Variants in RHBG observed in about 807,000 individuals in gnomAD.
The protein encoded by RHBG is ammonium transporter Rh type B.
A neutral mutation model predicts 40.1 loss-of-function variants in RHBG; 39 were observed. The observed-to-expected ratio is 0.97, with a 90% CI of 0.75 to 1.27. The LOEUF (loss-of-function observed/expected upper bound fraction) is 1.27, where lower values mean the gene tolerates loss of function less well. Among genes scored for constraint, RHBG ranks in the 50% most tolerant of loss-of-function variants. RHBG has a pLI of 0.00. For missense variants in RHBG, 549 were observed against 588.1 expected (o/e 0.93, Z 0.69); for synonymous variants, 237 against 252.5 (o/e 0.94, Z 0.58).
intron 1 of RHBG, among the ~76,000 whole-genome samples, chr1:156,375,609 G>C (rs903481906): frequency 6.6e-6 from 1 of 152,114 alleles, no homozygotes; most frequent in African/African-American, 2.4e-5. Context: ...AGGAGTTTGA[G>C]AGCAGCCTGG....
At chr1:156,378,466 G>A in intron 4 of RHBG, 67 bp downstream of exon 4, 1 of 1,514,406 alleles carries the variant, frequency 6.6e-7, no homozygotes. Flanking sequence ...GGCCAGAGGT[G>A]ACTGTCTCTC....
Position 156,369,453 on chromosome 1 carries a change from G to A in RHBG, c.187+17G>A. On this transcript the variant is annotated intron_variant, in intron 1 of 9. Coordinates refer to ENST00000537040, the MANE Select transcript of RHBG (RefSeq NM_020407.5). ...GCTACCCAAGTGAGTGCGGGGTGAG[G>A]GCGCGCGGGAAGCAAAGACCCCAAG... 4 of 1,590,096 alleles carry A rather than the reference G, an allele frequency of 2.5e-6. No homozygotes were observed. Among genetic ancestry groups the A allele is most frequent in the Non-Finnish European group, 2.6e-6 (3 of 1,166,070 alleles).
At chr1:156,378,204 G>C in intron 3 of RHBG, 48 bp from the exon 4 acceptor site, 2 of 1,604,260 alleles carry the variant, frequency 1.2e-6, no homozygotes. Flanking sequence ...TCTGAGCCAG[G>C]AGCGTGGGGG....
chr1:156,375,800 C>A (rs932367270), intron 1 of RHBG, among the ~76,000 whole-genome samples: 5 of 150,814 alleles, frequency 3.3e-5, no homozygotes, highest in Non-Finnish European at 7.4e-5. Context: ...AGTGCAATGG[C>A]GCTATCTCGG....
intron 4 of RHBG, among the ~76,000 whole-genome samples, chr1:156,379,597 A>C (rs548327321): frequency 5.3e-5 from 8 of 152,214 alleles, no homozygotes; most frequent in African/African-American, 1.9e-4. Flanking sequence ...GGAGACTTAC[A>C]TTCTCAGCTG....
chr1:156,377,334 G>C lies in RHBG; in HGVS notation c.221G>C (p.Gly74Ala), dbSNP rs748844133. ...FQDVHAMVFV[G>A]FGFLMVFLQR... ...GACGTGCATGCCATGGTCTTCGTGG[G>C]CTTTGGCTTCCTCATGGTCTTCCTG... is the stretch of plus-strand genomic sequence containing the variant. The change falls in exon 2 of 10, where the codon GGC becomes GCC. Residue 74 changes from glycine (G) to alanine (A), a missense_variant. Around this residue, in one of 3 missense-constraint regions of RHBG, gnomAD observed 51 missense variants for 85.9 expected, o/e 0.59. Coordinates refer to ENST00000537040, the MANE Select transcript of RHBG (RefSeq NM_020407.5). The surrounding 1 kb of genome is among the most constrained non-coding windows in gnomAD (Gnocchi z 4.6). 1 of 1,614,044 alleles carries C rather than the reference G, an allele frequency of 6.2e-7. No individual in the cohort carries two copies. The highest frequency in any genetic ancestry group is 2.2e-5 in the East Asian group (1 of 44,900).
Position 156,378,154 on chromosome 1 carries a change from G to A in RHBG, c.525+14G>A. Reference sequence around the variant, plus strand: ...CATCTCCTGGGGGTGAGAGTCTGGGGAGGGATGGAGTCGGGGGTGGGGGGT... The same window carrying A: ...CATCTCCTGGGGGTGAGAGTCTGGGAAGGGATGGAGTCGGGGGTGGGGGGT... On this transcript the variant is annotated intron_variant, in intron 3 of 9. Transcript: ENST00000537040. The A allele has an allele frequency of 6.2e-7, 1 of 1,600,704 alleles. No individual in the cohort carries two copies. Among genetic ancestry groups the A allele is most frequent in the Non-Finnish European group, 8.5e-7 (1 of 1,170,978 alleles).
At chr1:156,379,760 C>T (rs1667487630) in intron 4 of RHBG, among the ~76,000 whole-genome samples, 1 of 152,210 alleles carries the variant, frequency 6.6e-6, no homozygotes, top group Non-Finnish European at 1.5e-5. Context: ...CCACACCCAA[C>T]AGACTACTCA....
intron 5 of RHBG, 44 bp downstream of exon 5, chr1:156,381,557 G>A: frequency 6.4e-7 from 1 of 1,565,584 alleles, no homozygotes; most frequent in African/African-American, 1.4e-5. Flanking sequence ...GGTGGCCTGG[G>A]CAGGGGAGGA....
chr1:156,381,583 C>T (rs1667641379), intron 5 of RHBG, 70 bp downstream of exon 5: 3 of 1,509,370 alleles, frequency 2.0e-6, no homozygotes, highest in East Asian at 4.5e-5. Flanking sequence ...CTGAGACCCT[C>T]AAGAAAGATT....
intron 1 of RHBG, among the ~76,000 whole-genome samples, chr1:156,376,611 G>A (rs927419159): frequency 2.6e-5 from 4 of 152,064 alleles, no homozygotes; most frequent in African/African-American, 9.7e-5. Context: ...CAGTCCACCC[G>A]CCTTGGCCTC....
intron 7 of RHBG, 105 bp from the exon 8 acceptor site, chr1:156,382,642 CT>C: frequency 7.0e-7 from 1 of 1,423,138 alleles, no homozygotes; most frequent in Non-Finnish European, 9.7e-7. Context: ...CTCTTGGCCA[CT>C]TCCTGTTCCC....
At position 156,373,200 on chromosome 1, in the gene RHBG, C is replaced by G. The variant is rs892770977; in HGVS notation, c.187+3764C>G. ...ACTTTGGGAAGCTGAGGTGAGAGGA[C>G]TGCTTGAAGCCAGGAGTTTGAGGCC... is the stretch of plus-strand genomic sequence containing the variant. On this transcript the variant is annotated intron_variant, in intron 1 of 9. Transcript: ENST00000537040. Among the ~76,000 whole-genome samples the G allele has an allele frequency of 2.6e-5, 4 of 152,216 alleles. No homozygotes were observed. The East Asian group carries it at 7.7e-4, about 29-fold the overall frequency.
intron 1 of RHBG, among the ~76,000 whole-genome samples, chr1:156,374,191 T>A (rs1204680291): frequency 2.0e-5 from 3 of 152,098 alleles, no homozygotes; most frequent in Admixed American, 1.3e-4. Flanking sequence ...GGATCTAGAT[T>A]GTGCACTCCT....
In RHBG at chr1:156,377,923, C is replaced by G; in HGVS notation, c.375-67C>G. The stretch of plus-strand genomic sequence containing the variant: ...CACATCATGCTGTCCTGGCTTCATG[C>G]CAGGCAGGAACCCCGAGGCCAGCCT... On this transcript the variant is annotated intron_variant, in intron 2 of 9. Coordinates refer to ENST00000537040, the MANE Select transcript of RHBG (RefSeq NM_020407.5). The surrounding 1 kb of genome is among the most constrained non-coding windows in gnomAD (Gnocchi z 4.6). 11 of 1,438,858 alleles carry G rather than the reference C, an allele frequency of 7.6e-6. No individual in the cohort carries two copies. The highest frequency in any genetic ancestry group is 1.0e-5 in the Non-Finnish European group (11 of 1,066,822). The allele number at this position is 1,438,858 out of a possible 1,614,324, so 89.1% of individuals were successfully genotyped here. A position where few individuals can be genotyped will look rare whatever the true frequency, so the allele number is the denominator to read the frequency against.
In RHBG at chr1:156,381,455, G is replaced by A; in HGVS notation, c.782G>A (p.Ser261Asn). 6.2e-7 allele frequency: 1 copy of A among 1,613,990 alleles called. No individual in the cohort carries two copies. Among genetic ancestry groups the A allele is most frequent in the Non-Finnish European group, 8.5e-7 (1 of 1,179,918 alleles). The change falls in exon 5 of 10, where the codon AGC (serine) becomes AAC (asparagine). Residue 261 changes from serine (S) to asparagine (N), a missense_variant. Physicochemically the swap from Ser to Asn is conservative, Grantham distance 46. Around this residue, in one of 3 missense-constraint regions of RHBG, gnomAD observed 399 missense variants for 417.0 expected, o/e 0.96. Transcript: ENST00000537040. ...AACACATACTACTCCCTGGCTGCCAGCACCCTTGGCACCTTTGCCTTGTCA... is the reference window on the plus strand; with the variant it reads ...AACACATACTACTCCCTGGCTGCCAACACCCTTGGCACCTTTGCCTTGTCA... ...ALNTYYSLAA[S>N]TLGTFALSAL... is the part of the protein sequence containing the mutation.
rs538342113 is a variant in RHBG, at chr1:156,380,477, C to G, written c.674-870C>G. ...GTGGCTCACACCTGTAATCTCAGCA[C>G]TTTGGGAGGCTGAGGTGGGCGGATC... On this transcript the variant is annotated intron_variant, in intron 4 of 9. Coordinates refer to ENST00000537040, the MANE Select transcript of RHBG (RefSeq NM_020407.5). Among the ~76,000 whole-genome samples the G allele has an allele frequency of 9.3e-4, 141 of 151,994 alleles. 2 individuals carry two copies. Among genetic ancestry groups the G allele is most frequent in the Admixed American group, 9.2e-3 (141 of 15,290 alleles).
Position 156,377,231 on chromosome 1 carries a change from G to T in RHBG, c.188-70G>T. On this transcript the variant is annotated intron_variant, in intron 1 of 9. Coordinates refer to ENST00000537040, the MANE Select transcript of RHBG (RefSeq NM_020407.5). The surrounding 1 kb of genome is among the most constrained non-coding windows in gnomAD (Gnocchi z 4.6). ...GGTGAGAGCCAGGGGCACTGGCAGG[G>T]TAGCTGACTGGATTGTGGGCTATGG... is the stretch of plus-strand genomic sequence containing the variant. The T allele has an allele frequency of 6.6e-7, 1 of 1,519,430 alleles. No homozygotes were observed. The highest frequency in any genetic ancestry group is 9.0e-7 in the Non-Finnish European group (1 of 1,107,372). 94.1% of individuals were successfully genotyped at this position (1,519,430 alleles called of 1,614,324 possible).
chr1:156,375,988 T>TCGGC (rs1667169178), intron 1 of RHBG, among the ~76,000 whole-genome samples: 1 of 152,062 alleles, frequency 6.6e-6, no homozygotes, highest in Non-Finnish European at 1.5e-5. Flanking sequence ...TCAAGCAGTC[T>TCGGC]TCCCTACTCA....
Sources: allele counts gnomAD v4.1 joint callset (sites outside exome capture counted in the v4.1 genomes callset), GRCh38; gene constraint gnomAD v4.1.1; regional missense constraint gnomAD v4.1.1; non-coding constraint Gnocchi (gnomAD v3.1); transcripts MANE v1.5; gene names NCBI Gene and HGNC (gene_info 2026-07-23, HGNC 2026-07-21).